The following FMNL2 variants were observed in gnomAD, a reference collection of about 807,000 sequenced individuals.
FMNL2 encodes formin-like protein 2.
Under a neutral mutation model 130.2 loss-of-function variants are expected in FMNL2, and 51 were observed. The observed-to-expected ratio is 0.39, with a 90% confidence interval of 0.31 to 0.49. FMNL2 has a LOEUF of 0.49. Ranked by LOEUF, FMNL2 falls within the 20% of genes least tolerant of loss-of-function variation. The probability of loss-of-function intolerance (pLI) is 0.85; values close to 1 mark genes in which losing one functional copy is unlikely to be tolerated. For missense variants in FMNL2, 977 were observed against 1,316.2 expected (o/e 0.74, Z 3.99); for synonymous variants, 465 against 467.1 (o/e 1.00, Z 0.06).
chr2:152,400,897 T>C (rs1354875634), intron 1 of FMNL2, among the ~76,000 whole-genome samples: 1 of 152,190 alleles, frequency 6.6e-6, no homozygotes, highest in Admixed American at 6.5e-5. Flanking sequence ...TTTTCTTTCT[T>C]TTTTCTTCCC....
rs765525551 is a variant in FMNL2 at position 152,628,496 on chromosome 2, T to C, written c.2363T>C (p.Ile788Thr). The change falls in exon 18 of 26, where the codon ATT (isoleucine) becomes ACT (threonine). Residue 788 changes from isoleucine (I) to threonine (T), a missense_variant. By Grantham distance (89) the Ile-to-Thr change is moderately conservative. Transcript: ENST00000288670. ...CAGAAGATGACCATCATGGCCTTCA[T>C]TGGGAACTTTGCTGAAAGCATTCAG... Reference protein sequence around the residue: ...LMQKMTIMAFIGNFAESIQML... With the variant: ...LMQKMTIMAFTGNFAESIQML... 6 of 1,613,990 alleles carry C rather than the reference T, an allele frequency of 3.7e-6. No homozygotes were observed. The highest frequency in any genetic ancestry group is 1.6e-4 in the Middle Eastern group (1 of 6,062).
rs377550607 is a variant in FMNL2, at chr2:152,561,010, C to A, written c.571C>A (p.Arg191Ser). 6.9e-6 allele frequency: 11 copies of A among 1,601,524 alleles called. No individual in the cohort carries two copies. In the East Asian group the frequency reaches 2.5e-4, roughly 36 times the overall value. Reference sequence around the variant, plus strand: ...CTCACCTGTGGGCAACAGTGTCTCCCGCTCTGGAAGACATTCTGCACTGCG... The same window carrying A: ...CTCACCTGTGGGCAACAGTGTCTCCAGCTCTGGAAGACATTCTGCACTGCG... ...LPSPVGNSVS[R>S]SGRHSALRYN... is the part of the protein sequence containing the mutation. Residue 191 changes from arginine (R) to serine (S), a missense_variant, in exon 6 of 26, where the codon CGC becomes AGC. Transcript: ENST00000288670.
At chr2:152,407,395 C>A (rs558363641) in intron 1 of FMNL2, among the ~76,000 whole-genome samples, 4 of 152,040 alleles carry the variant, frequency 2.6e-5, no homozygotes, top group African/African-American at 9.7e-5. Context: ...CTGGGCGATG[C>A]GGTGTGTCAG....
At chr2:152,644,365 TA>T (rs1164975622) in intron 25 of FMNL2, among the ~76,000 whole-genome samples, 23 of 152,244 alleles carry the variant, frequency 1.5e-4, no homozygotes, top group African/African-American at 5.5e-4. Flanking sequence ...CGAAGTGCTC[TA>T]AAGTGCAAAA....
At chr2:152,636,085 G>GT (rs1682581411) in intron 21 of FMNL2, among the ~76,000 whole-genome samples, 2 of 152,272 alleles carry the variant, frequency 1.3e-5, no homozygotes, top group Admixed American at 1.3e-4. Flanking sequence ...AAATGGAATA[G>GT]TTTTGTGCAA....
chr2:152,474,546 C>G (rs181644115), intron 1 of FMNL2, among the ~76,000 whole-genome samples: 1 of 151,794 alleles, frequency 6.6e-6, no homozygotes. Context: ...ATTAGCCAGG[C>G]GTGGTGGCGC....
Position 152,389,875 on chromosome 2 carries a change from C to T in FMNL2, c.117+54155C>T. 2.9e-6 allele frequency: 3 copies of T among 1,028,190 alleles called. No homozygotes were observed. The East Asian group carries it at 7.4e-5, about 25-fold the overall frequency. 63.7% of individuals were successfully genotyped at this position (1,028,190 alleles called of 1,614,324 possible). On this transcript the variant is annotated intron_variant, in intron 1 of 25. Coordinates refer to ENST00000288670, the MANE Select transcript of FMNL2 (RefSeq NM_052905.4). The stretch of plus-strand genomic sequence containing the variant: ...TTTCAGCCACGACAATCAGCTGGCA[C>T]AGAAGGCCCGGTGGGAGAAGAGAAC...
chr2:152,614,828 T>C, intron 11 of FMNL2, 23 bp from the exon 12 acceptor site: 4 of 1,583,084 alleles, frequency 2.5e-6, no homozygotes, highest in Non-Finnish European at 3.4e-6. Context: ...TAACACCACG[T>C]TCTCTCCTAT....
At chr2:152,447,552 T>C (rs1436138779) in intron 1 of FMNL2, among the ~76,000 whole-genome samples, 4 of 152,236 alleles carry the variant, frequency 2.6e-5, no homozygotes, top group African/African-American at 9.6e-5. Flanking sequence ...TTTTACAGTA[T>C]GTAACCGAGA....
rs761337109 is a variant in FMNL2, at chr2:152,619,549, G to GCCA, written c.1670_1671insACC (p.Pro573dup). 3.2e-4 allele frequency: 453 copies of GCCA among 1,395,016 alleles called. 4 individuals carry two copies. Among genetic ancestry groups the GCCA allele is most frequent in the Middle Eastern group, 1.4e-3 (6 of 4,170 alleles). The allele number at this position is 1,395,016 out of a possible 1,614,324, so 86.4% of individuals were successfully genotyped here. On this transcript the variant is annotated inframe_insertion, in exon 15 of 26. Coordinates refer to ENST00000288670, the MANE Select transcript of FMNL2 (RefSeq NM_052905.4). Reference sequence around the variant, plus strand: ...TAACACCACCTATGCCACCGCCGCCGCCGCCCCCTCCTCCACCTCCTCCTC... The same window carrying GCCA: ...TAACACCACCTATGCCACCGCCGCCGCCACCGCCCCCTCCTCCACCTCCTCCTC...
At chr2:152,571,187 C>G (rs1341351506) in intron 6 of FMNL2, among the ~76,000 whole-genome samples, 1 of 108,462 alleles carries the variant, frequency 9.2e-6, no homozygotes, top group Non-Finnish European at 2.4e-5. Flanking sequence ...CCTCCTTCTC[C>G]TCTCCTGGCT....
chr2:152,464,190 G>C (rs11902693), intron 1 of FMNL2, among the ~76,000 whole-genome samples: 93,127 of 152,110 alleles, frequency 0.61, 30,851 homozygotes, highest in East Asian at 0.97. Flanking sequence ...GTGATCCGCC[G>C]ACCTTGGCCT....
chr2:152,401,997 C>G (rs1685726234), intron 1 of FMNL2, among the ~76,000 whole-genome samples: 1 of 148,874 alleles, frequency 6.7e-6, no homozygotes, highest in African/African-American at 2.5e-5. Flanking sequence ...CCTCCGCCTC[C>G]CGGGCTCACA....
At chr2:152,461,022 C>G (rs1252960997) in intron 1 of FMNL2, among the ~76,000 whole-genome samples, 1 of 152,200 alleles carries the variant, frequency 6.6e-6, no homozygotes, top group African/African-American at 2.4e-5. Context: ...AAATGATCTT[C>G]CACGAAACCG....
chr2:152,578,844 C>T, intron 7 of FMNL2, 44 bp from the exon 8 acceptor site: 1 of 1,531,358 alleles, frequency 6.5e-7, no homozygotes. Context: ...CCTAACTTGT[C>T]TCCCAATGCT....
chr2:152,625,338 C>G, intron 15 of FMNL2, 100 bp from the exon 16 acceptor site: 2 of 1,402,046 alleles, frequency 1.4e-6, no homozygotes, highest in African/African-American at 2.8e-5. Context: ...CAACCTTCCT[C>G]CAGTGTCAAA....
chr2:152,368,340 G>A (rs956919326), intron 1 of FMNL2, among the ~76,000 whole-genome samples: 3 of 151,884 alleles, frequency 2.0e-5, no homozygotes, highest in African/African-American at 4.8e-5. Context: ...TTTAAAAAAC[G>A]TCATTTCTGA....
intron 25 of FMNL2, chr2:152,645,537 A>T (rs1281020368): frequency 7.8e-7 from 1 of 1,284,484 alleles, no homozygotes; most frequent in Admixed American, 2.3e-5. Context: ...GGCAAGCATC[A>T]CTTTTTACTT....
intron 1 of FMNL2, among the ~76,000 whole-genome samples, chr2:152,454,978 A>G (rs1417765193): frequency 5.3e-5 from 8 of 152,146 alleles, no homozygotes; most frequent in Admixed American, 4.6e-4. Context: ...CTTACTTTGA[A>G]GTAGACATGT....
Sources: gnomAD v4.1 joint callset for allele counts (sites outside exome capture counted in the v4.1 genomes callset) on GRCh38, gnomAD v4.1.1 for gene constraint, MANE v1.5 for transcripts, NCBI Gene and HGNC (gene_info 2026-07-23, HGNC 2026-07-21) for gene names.